ADGRL3: variants seen among roughly 807,000 people sequenced by gnomAD.
ADGRL3 encodes adhesion G protein-coupled receptor L3.
In ADGRL3, 62 loss-of-function variants were observed where a neutral mutation model predicts 153.5. The ratio of observed to expected loss-of-function variants is 0.40; its 90% CI spans 0.33 to 0.50. ADGRL3 has a LOEUF of 0.50. Ranked by LOEUF, ADGRL3 falls within the 20% of genes least tolerant of loss-of-function variation. ADGRL3 has a pLI of 0.47. For synonymous variants in ADGRL3, 710 were observed against 672.5 expected, an observed-to-expected ratio of 1.06 and a Z score of -0.86; for missense variants, 1,641 against 1,859.4, an observed-to-expected ratio of 0.88 and a Z score of 2.16.
chr4:61,355,563 G>A (rs1429877108), intron 1 of ADGRL3, among the ~76,000 whole-genome samples: 1 of 152,034 alleles, frequency 6.6e-6, no homozygotes, highest in Non-Finnish European at 1.5e-5. Flanking sequence ...TTCTAAAAGT[G>A]ACCATTTGAA....
chr4:61,547,841 C>T (rs1318311257), intron 4 of ADGRL3, among the ~76,000 whole-genome samples: 2 of 152,100 alleles, frequency 1.3e-5, no homozygotes, highest in Non-Finnish European at 2.9e-5. Flanking sequence ...CTGCTTCACA[C>T]AGTGGCTGAA....
intron 8 of ADGRL3, among the ~76,000 whole-genome samples, chr4:61,783,996 C>T (rs928335010): frequency 6.6e-6 from 1 of 151,984 alleles, no homozygotes; most frequent in Non-Finnish European, 1.5e-5. Flanking sequence ...TATAATGTAA[C>T]GTCCTCACAA....
At position 62,077,738 on chromosome 4, in the gene ADGRL3, AC is replaced by A. The variant is rs1747603326; in HGVS notation, c.*6831del. 1.3e-5 allele frequency: 2 copies of A among 152,100 alleles called. No homozygotes were observed. Among genetic ancestry groups the A allele is most frequent in the South Asian group, 2.1e-4 (1 of 4,832 alleles). The allele number at this position is 152,100 out of a possible 1,614,324, so 9.4% of individuals were successfully genotyped here. ...TTGAATCAATAAAAATGAGAAAAAA[AC>A]ATTTAAATTTGGTTTTCATGACTCA... On this transcript the variant is annotated 3_prime_UTR_variant, in exon 27 of 27. Coordinates refer to ENST00000683033, the MANE Select transcript of ADGRL3 (RefSeq NM_001387552.1).
At chr4:61,415,807 C>G (rs1429964286) in intron 2 of ADGRL3, among the ~76,000 whole-genome samples, 1 of 151,726 alleles carries the variant, frequency 6.6e-6, no homozygotes, top group Admixed American at 6.6e-5. Context: ...TTTAGATAAT[C>G]ACTTAATTAA....
intron 24 of ADGRL3, among the ~76,000 whole-genome samples, chr4:62,043,437 A>G (rs888757678): frequency 6.6e-6 from 1 of 152,160 alleles, no homozygotes; most frequent in African/African-American, 2.4e-5. Flanking sequence ...GCATGCACAC[A>G]TTTGTCAACC....
intron 13 of ADGRL3, among the ~76,000 whole-genome samples, chr4:61,915,718 C>A (rs564094229): frequency 6.6e-6 from 1 of 152,230 alleles, no homozygotes; most frequent in Non-Finnish European, 1.5e-5. Context: ...TAATGTAGAT[C>A]ATTATTCCAT....
intron 21 of ADGRL3, among the ~76,000 whole-genome samples, chr4:62,014,796 A>G (rs1413494974): frequency 6.6e-6 from 1 of 152,180 alleles, no homozygotes; most frequent in African/African-American, 2.4e-5. Context: ...ATTAATCACC[A>G]CAAAGGTTAG....
At chr4:61,734,248 T>C (rs2096480695) in intron 8 of ADGRL3, among the ~76,000 whole-genome samples, 1 of 151,624 alleles carries the variant, frequency 6.6e-6, no homozygotes, top group Non-Finnish European at 1.5e-5. Context: ...ATACCTTTAA[T>C]TTTTTTTTCA....
chr4:61,828,075 G>A (rs2097829125), intron 9 of ADGRL3, among the ~76,000 whole-genome samples: 1 of 152,166 alleles, frequency 6.6e-6, no homozygotes, highest in Admixed American at 6.6e-5. Flanking sequence ...AAGTTGAAAA[G>A]CATGCCTGCC....
intron 2 of ADGRL3, among the ~76,000 whole-genome samples, chr4:61,495,387 T>C (rs2098302458): frequency 6.7e-6 from 1 of 150,206 alleles, no homozygotes; most frequent in Admixed American, 6.7e-5. Flanking sequence ...TCTGAAATTA[T>C]TGAAAATATG....
At chr4:61,279,253 GCTATATCAA>G (rs1442773512) in intron 1 of ADGRL3, among the ~76,000 whole-genome samples, 2 of 152,134 alleles carry the variant, frequency 1.3e-5, no homozygotes, top group East Asian at 3.8e-4. Flanking sequence ...TAAGTAAACT[GCTATATCAA>G]AATTGGGTAT....
At chr4:62,030,253 A>G (rs968334277) in intron 22 of ADGRL3, among the ~76,000 whole-genome samples, 47 of 151,802 alleles carry the variant, frequency 3.1e-4, no homozygotes, top group African/African-American at 1.1e-3. Flanking sequence ...ATAAACATAT[A>G]TGATTTTTCC....
rs558952707 is a variant in ADGRL3, at chr4:61,372,809, C to T, written c.-239-10315C>T. On this transcript the variant is annotated intron_variant, in intron 1 of 26. Coordinates refer to ENST00000683033, the MANE Select transcript of ADGRL3 (RefSeq NM_001387552.1). ...TTACCTAAGCAAGCCTGGGCAATGG[C>T]GGGCGCCCCTCCCCCAGTCTCGCTG... 2.0e-4 allele frequency among the ~76,000 whole-genome samples: 31 copies of T among 152,276 alleles called. No homozygotes were observed. In the South Asian group the frequency reaches 2.9e-3, roughly 14 times the overall value.
intron 8 of ADGRL3, among the ~76,000 whole-genome samples, chr4:61,766,130 C>T (rs1016496676): frequency 6.6e-6 from 1 of 151,868 alleles, no homozygotes; most frequent in Non-Finnish European, 1.5e-5. Context: ...CAGAGAGATA[C>T]AGTCATGGGG....
chr4:61,977,680 G>A (rs1434413551), intron 17 of ADGRL3, among the ~76,000 whole-genome samples: 1 of 152,076 alleles, frequency 6.6e-6, no homozygotes, highest in Non-Finnish European at 1.5e-5. Flanking sequence ...ACAGCATGGT[G>A]GCTTACTTCT....
At chr4:61,774,526 C>T (rs1361818308) in intron 8 of ADGRL3, among the ~76,000 whole-genome samples, 1 of 151,430 alleles carries the variant, frequency 6.6e-6, no homozygotes, top group Non-Finnish European at 1.5e-5. Flanking sequence ...ATGATTTAAA[C>T]TGTATGGGAG....
chr4:62,066,115 G>A (rs1742871260), intron 25 of ADGRL3, among the ~76,000 whole-genome samples: 2 of 151,948 alleles, frequency 1.3e-5, no homozygotes, highest in African/African-American at 4.8e-5. Context: ...AGAAACTATG[G>A]TAGTGCTTAA....
At chr4:61,297,607 G>T (rs2094451677) in intron 1 of ADGRL3, among the ~76,000 whole-genome samples, 1 of 151,050 alleles carries the variant, frequency 6.6e-6, no homozygotes. Flanking sequence ...GACTTTAATT[G>T]AAGGCACAAG....
chr4:61,574,133 A>C (rs1269683274), intron 4 of ADGRL3, among the ~76,000 whole-genome samples: 3 of 151,986 alleles, frequency 2.0e-5, no homozygotes, highest in Non-Finnish European at 2.9e-5. Flanking sequence ...AGTCGGCTTC[A>C]ACTCAAACTA....
Sources: gnomAD v4.1 joint callset for allele counts (sites outside exome capture counted in the v4.1 genomes callset) on GRCh38, gnomAD v4.1.1 for gene constraint, MANE v1.5 for transcripts, NCBI Gene and HGNC (gene_info 2026-07-23, HGNC 2026-07-21) for gene names.